The following FBXO34 variants were observed in gnomAD, a reference collection of about 807,000 sequenced individuals.
The protein encoded by FBXO34 is F-box only protein 34.
FBXO34 carries 12 observed loss-of-function variants against 24.5 expected under a neutral mutation model. The ratio of observed to expected loss-of-function variants is 0.49; its 90% CI spans 0.31 to 0.79. FBXO34 has a LOEUF of 0.79. FBXO34 is among the 30% of genes least tolerant of loss of function. The pLI, the probability that FBXO34 is intolerant of heterozygous loss-of-function variation, is 0.04. For missense variants in FBXO34, 823 were observed against 857.7 expected (o/e 0.96, Z 0.51); for synonymous variants, 320 against 311.9 (o/e 1.03, Z -0.27).
chr14:55,364,678 C>G (rs189682991), downstream of FBXO34, among the ~76,000 whole-genome samples: 2 of 151,222 alleles, frequency 1.3e-5, no homozygotes, highest in Non-Finnish European at 2.9e-5. Context: ...ATCCGCCTGT[C>G]TCTGCTTCCC....
the FBXO34 span, among the ~76,000 whole-genome samples, chr14:55,402,146 A>T: frequency 6.6e-6 from 1 of 152,162 alleles, no homozygotes; most frequent in Non-Finnish European, 1.5e-5. Context: ...GCTAGGAATA[A>T]CTAGCCTCAC....
chr14:55,352,014 T>G lies in FBXO34; in HGVS notation c.1624T>G (p.Leu542Val), dbSNP rs1018316202. 2 of 1,614,192 alleles carry G rather than the reference T, an allele frequency of 1.2e-6. No individual in the cohort carries two copies. Among genetic ancestry groups the G allele is most frequent in the South Asian group, 2.2e-5 (2 of 91,084 alleles). ...VLPASSVEST[L>V]PVLEASSWKK... ...GCCAGCCTCTTCTGTGGAAAGTACATTACCAGTGCTTGAGGCATCCAGTTG... is the reference window on the plus strand; with the variant it reads ...GCCAGCCTCTTCTGTGGAAAGTACAGTACCAGTGCTTGAGGCATCCAGTTG... The change falls in exon 2 of 2, where the codon TTA (leucine) becomes GTA (valine). Residue 542 changes from leucine (L) to valine (V), a missense_variant. Leu to Val is a conservative substitution (Grantham distance 32). This residue lies in a region of FBXO34 where 693 missense variants were observed against 659.1 expected (regional missense o/e 1.05). Coordinates refer to ENST00000313833, the MANE Select transcript of FBXO34 (RefSeq NM_017943.4).
intron 1 of FBXO34, among the ~76,000 whole-genome samples, chr14:55,349,940 T>G (rs1450859554): frequency 6.6e-6 from 1 of 152,112 alleles, no homozygotes; most frequent in African/African-American, 2.4e-5. Context: ...TGTTTGCAAC[T>G]AATAAAATGC....
chr14:55,405,139 T>C, the FBXO34 span, among the ~76,000 whole-genome samples: 28 of 152,318 alleles, frequency 1.8e-4, no homozygotes, highest in African/African-American at 6.7e-4. Flanking sequence ...TGATGAACTC[T>C]TGTCTACCTG....
intron 1 of FBXO34, chr14:55,339,389 C>G (rs985608616): frequency 6.9e-6 from 1 of 145,118 alleles, no homozygotes; most frequent in Admixed American, 6.9e-5. Flanking sequence ...CCCCCCCCCC[C>G]AATCCTGGAT....
intron 1 of FBXO34, among the ~76,000 whole-genome samples, chr14:55,334,715 C>G (rs1883716525): frequency 4.6e-5 from 7 of 152,158 alleles, no homozygotes; most frequent in Admixed American, 4.6e-4. Flanking sequence ...GGCGGAAGCT[C>G]TTCATCAGGA....
intron 1 of FBXO34, among the ~76,000 whole-genome samples, chr14:55,302,159 A>G (rs1882378056): frequency 6.6e-6 from 1 of 152,234 alleles, no homozygotes; most frequent in Admixed American, 6.5e-5. Context: ...CTGGCTCCTT[A>G]AGTGATAGTT....
At chr14:55,296,391 G>GTTTTTTTTTTTT (rs1167344634) in intron 1 of FBXO34, among the ~76,000 whole-genome samples, 134 of 64,716 alleles carry the variant, frequency 2.1e-3, no homozygotes, top group East Asian at 3.6e-3. Context: ...TGTTTTTTTT[G>GTTTTTTTTTTTT]TTTTTTTTTT....
At chr14:55,404,858 A>G in the FBXO34 span, among the ~76,000 whole-genome samples, 2 of 152,234 alleles carry the variant, frequency 1.3e-5, no homozygotes. Context: ...ACCCAGGAGT[A>G]AGTCAGCCAC....
intron 1 of FBXO34, among the ~76,000 whole-genome samples, chr14:55,329,265 C>T (rs1290563169): frequency 6.6e-6 from 1 of 151,860 alleles, no homozygotes; most frequent in African/African-American, 2.4e-5. Context: ...AGACTCCTCT[C>T]CTTAAGATGT....
rs905542489 is a variant in FBXO34, at chr14:55,351,641, C to T, written c.1251C>T (p.Ser417=). 2 of 1,614,044 alleles carry T rather than the reference C, an allele frequency of 1.2e-6. No homozygotes were observed. Among genetic ancestry groups the T allele is most frequent in the Admixed American group, 1.7e-5 (1 of 60,002 alleles). ...ATGAACTCGTTGGGTTACCTTTTTC[C>T]TCTCATACCTATTCCCAAGCCTCTG... ...MTDELVGLPF[S]SHTYSQASEL... The change falls in exon 2 of 2, where the codon TCC becomes TCT. Residue 417 remains serine (S), a synonymous_variant. Transcript: ENST00000313833.
At chr14:55,397,486 A>T in the FBXO34 span, 4 of 1,378,882 alleles carry the variant, frequency 2.9e-6, no homozygotes, top group Non-Finnish European at 4.1e-6. Context: ...TTTCAGTTCA[A>T]TGAGACTATG....
intron 1 of FBXO34, among the ~76,000 whole-genome samples, chr14:55,308,420 A>T (rs1036653460): frequency 2.0e-5 from 3 of 152,240 alleles, no homozygotes; most frequent in Non-Finnish European, 2.9e-5. Flanking sequence ...GTAATTTATT[A>T]ACAGCCTTGC....
the FBXO34 span, chr14:55,433,777 G>C: frequency 6.6e-7 from 1 of 1,508,978 alleles, no homozygotes. Context: ...CATTATCCCA[G>C]TTGAAAAAGC....
the FBXO34 span, among the ~76,000 whole-genome samples, chr14:55,420,828 G>A: frequency 6.6e-6 from 1 of 152,110 alleles, no homozygotes; most frequent in African/African-American, 2.4e-5. Flanking sequence ...GGGTGGCCGA[G>A]GCGGGTGGAT....
At chr14:55,306,065 A>G (rs1882533612) in intron 1 of FBXO34, among the ~76,000 whole-genome samples, 1 of 152,272 alleles carries the variant, frequency 6.6e-6, no homozygotes, top group African/African-American at 2.4e-5. Context: ...GTGCATGTAT[A>G]TAATACATAG....
In FBXO34 at chr14:55,351,442, G is replaced by A. The variant is rs777122364; in HGVS notation, c.1052G>A (p.Gly351Asp). ...NPVGSVSVDC[G>D]PSRADRCSPK... ...GTGGGGTCTGTATCTGTGGATTGTGGCCCTTCAAGAGCTGATCGTTGTTCT... is the reference window on the plus strand; with the variant it reads ...GTGGGGTCTGTATCTGTGGATTGTGACCCTTCAAGAGCTGATCGTTGTTCT... Residue 351 changes from glycine (G) to aspartate (D), a missense_variant, in exon 2 of 2, where the codon GGC becomes GAC. Transcript: ENST00000313833. 5 of 1,614,172 alleles carry A rather than the reference G, an allele frequency of 3.1e-6. No individual in the cohort carries two copies. The highest frequency in any genetic ancestry group is 1.6e-4 in the Middle Eastern group (1 of 6,062).
In FBXO34 at chr14:55,280,755, T is replaced by C. The variant is rs539071824; in HGVS notation, c.-11+9218T>C. On this transcript the variant is annotated intron_variant, in intron 1 of 1. Transcript: ENST00000313833. The stretch of plus-strand genomic sequence containing the variant: ...GTTAGCCAGGATGGTCTCGATCTCC[T>C]GACCTCGTGATCCTCCCGCCTCAGC... 5.3e-5 allele frequency among the ~76,000 whole-genome samples: 8 copies of C among 152,122 alleles called. No homozygotes were observed. In the South Asian group the frequency reaches 1.7e-3, roughly 32 times the overall value.
the FBXO34 span, chr14:55,436,811 C>T: frequency 4.5e-5 from 73 of 1,614,064 alleles, no homozygotes; most frequent in African/African-American, 2.1e-4. Context: ...TCTTCAGTTT[C>T]GTGTTTGCTA....
Sources: gnomAD v4.1 joint callset for allele counts (sites outside exome capture counted in the v4.1 genomes callset) on GRCh38, gnomAD v4.1.1 for gene constraint, gnomAD v4.1.1 regional missense constraint, MANE v1.5 for transcripts, NCBI Gene and HGNC (gene_info 2026-07-23, HGNC 2026-07-21) for gene names.